Variants in BIN3 observed in about 807,000 individuals in gnomAD.
BIN3 encodes bridging integrator 3.
In BIN3, 41 loss-of-function variants were observed where a neutral mutation model predicts 38.2. The observed-to-expected ratio is 1.07, with a 90% CI of 0.84 to 1.39. The LOEUF (loss-of-function observed/expected upper bound fraction) is 1.39, where lower values mean the gene tolerates loss of function less well. BIN3 is among the 40% of genes most tolerant of loss of function. The pLI is 0.00. For synonymous variants in BIN3, 145 were observed against 122.6 expected (o/e 1.18, Z -1.21); for missense variants, 361 against 324.3 (o/e 1.11, Z -0.87).
chr8:22,665,472 T>A (rs1351811104), intron 1 of BIN3, among the ~76,000 whole-genome samples: 1 of 152,004 alleles, frequency 6.6e-6, no homozygotes, highest in Non-Finnish European at 1.5e-5. Flanking sequence ...CTGATGAAGG[T>A]CAGAAGAGCG....
At chr8:22,649,858 C>CAAA (rs199571834) in intron 1 of BIN3, among the ~76,000 whole-genome samples, 2 of 108,518 alleles carry the variant, frequency 1.8e-5, no homozygotes, top group Non-Finnish European at 1.7e-5. Flanking sequence ...CACACACACA[C>CAAA]CCCCAAAGGA....
intron 1 of BIN3, among the ~76,000 whole-genome samples, chr8:22,666,440 G>C (rs945096693): frequency 6.6e-6 from 1 of 152,016 alleles, no homozygotes; most frequent in African/African-American, 2.4e-5. Context: ...GAGAGCGAGA[G>C]AGAGAGAAGC....
At chr8:22,655,913 A>G (rs374471538) in intron 1 of BIN3, among the ~76,000 whole-genome samples, 1 of 152,244 alleles carries the variant, frequency 6.6e-6, no homozygotes, top group East Asian at 1.9e-4. Context: ...TCCATACCAC[A>G]GAGTAATCTA....
intron 2 of BIN3, among the ~76,000 whole-genome samples, chr8:22,637,242 C>T (rs994487475): frequency 7.2e-5 from 11 of 152,200 alleles, no homozygotes; most frequent in South Asian, 2.1e-4. Flanking sequence ...GCAAGGCACT[C>T]GCTGCATGCC....
At chr8:22,654,759 C>T (rs908915883) in intron 1 of BIN3, among the ~76,000 whole-genome samples, 1 of 151,750 alleles carries the variant, frequency 6.6e-6, no homozygotes, top group Non-Finnish European at 1.5e-5. Context: ...GTTGTTTTCC[C>T]TTTTTGGGTA....
intron 1 of BIN3, among the ~76,000 whole-genome samples, chr8:22,658,091 A>G (rs1803114832): frequency 6.6e-6 from 1 of 152,264 alleles, no homozygotes; most frequent in Non-Finnish European, 1.5e-5. Context: ...TCTGGAAGAA[A>G]TTAAGAGGGT....
chr8:22,652,943 T>A (rs13257235), intron 1 of BIN3, among the ~76,000 whole-genome samples: 1 of 152,346 alleles, frequency 6.6e-6, no homozygotes, highest in East Asian at 1.9e-4. Flanking sequence ...TCTGGTATGG[T>A]TGTTCGAAAT....
At chr8:22,639,402 T>A (rs1802467825) in intron 2 of BIN3, among the ~76,000 whole-genome samples, 1 of 152,158 alleles carries the variant, frequency 6.6e-6, no homozygotes, top group African/African-American at 2.4e-5. Flanking sequence ...TGGCTAATTT[T>A]TTAAATTTTA....
intron 6 of BIN3, chr8:22,625,397 G>A (rs928020704): frequency 1.4e-6 from 1 of 702,506 alleles, no homozygotes; most frequent in Non-Finnish European, 2.6e-6. Context: ...CCCAGGACCA[G>A]AAGAGTTGGT....
intron 6 of BIN3, chr8:22,625,555 G>C: frequency 1.6e-6 from 1 of 625,486 alleles, no homozygotes; most frequent in Non-Finnish European, 2.9e-6. Flanking sequence ...ACCACACAGA[G>C]CAGGACTCCC....
Position 22,651,202 on chromosome 8 carries a change from G to A in BIN3, c.9-6399C>T, listed in dbSNP as rs185232712. ...TTTTTTTTTAACTTTCCCTAAAATTGGTAATTGTCACTTTTCTTTCATTTG... is the reference window on the plus strand; with the variant it reads ...TTTTTTTTTAACTTTCCCTAAAATTAGTAATTGTCACTTTTCTTTCATTTG... On this transcript the variant is annotated intron_variant, in intron 1 of 8. Coordinates refer to ENST00000276416, the MANE Select transcript of BIN3 (RefSeq NM_018688.6). Among the ~76,000 whole-genome samples, 75 of 152,178 alleles carry A rather than the reference G, an allele frequency of 4.9e-4. 1 individual carries two copies. Among genetic ancestry groups the A allele is most frequent in the African/African-American group, 1.5e-3 (62 of 41,518 alleles).
chr8:22,628,158 A>T (rs368640364), intron 6 of BIN3, among the ~76,000 whole-genome samples: 1 of 152,262 alleles, frequency 6.6e-6, no homozygotes, highest in Non-Finnish European at 1.5e-5. Flanking sequence ...GTGCCCACGC[A>T]GCCGGGAGCT....
intron 1 of BIN3, among the ~76,000 whole-genome samples, chr8:22,648,642 C>G (rs1388537546): frequency 6.6e-6 from 1 of 152,182 alleles, no homozygotes; most frequent in Non-Finnish European, 1.5e-5. Context: ...CTGAGGTCAT[C>G]TTTCTCAGCT....
At chr8:22,623,343 C>T (rs1171918891) in intron 8 of BIN3, among the ~76,000 whole-genome samples, 2 of 152,334 alleles carry the variant, frequency 1.3e-5, no homozygotes, top group Admixed American at 1.3e-4. Flanking sequence ...TGGCCCGTGT[C>T]TGACCCCCAG....
intron 4 of BIN3, chr8:22,634,408 C>A: frequency 2.2e-6 from 1 of 446,834 alleles, no homozygotes; most frequent in Non-Finnish European, 4.5e-6. Context: ...GCAGTCAGCG[C>A]TCACCCGGGC....
intron 4 of BIN3, among the ~76,000 whole-genome samples, chr8:22,632,705 CTTTT>C (rs373810993): frequency 9.1e-5 from 12 of 132,166 alleles, no homozygotes; most frequent in East Asian, 4.5e-4. Context: ...TTCCACTTTC[CTTTT>C]TTTTTTTTTT....
At chr8:22,641,596 G>C (rs1373661164) in intron 2 of BIN3, among the ~76,000 whole-genome samples, 3 of 152,198 alleles carry the variant, frequency 2.0e-5, no homozygotes, top group African/African-American at 7.2e-5. Flanking sequence ...TGCGTGGAAA[G>C]TGGGCTCCCT....
Position 22,624,399 on chromosome 8 carries a change from T to TG in BIN3, c.339-37dup, listed in dbSNP as rs780706085. On this transcript the variant is annotated intron_variant, in intron 6 of 8. Transcript: ENST00000276416. ...AGCTGGCTGGAGATGGGCCCGTTCT[T>TG]GAAGGGGTGGCCTGGCTGGAGATGG... 11 of 1,599,874 alleles carry TG rather than the reference T, an allele frequency of 6.9e-6. No homozygotes were observed. The African/African-American group carries it at 1.3e-4, about 19-fold the overall frequency.
At chr8:22,633,793 C>A (rs1003136051) in intron 4 of BIN3, among the ~76,000 whole-genome samples, 12 of 152,196 alleles carry the variant, frequency 7.9e-5, no homozygotes, top group Middle Eastern at 3.2e-3. Context: ...CAGCGGCCCA[C>A]GGCACAGCAA....
Sources: gnomAD v4.1 joint callset for allele counts (sites outside exome capture counted in the v4.1 genomes callset) on GRCh38, gnomAD v4.1.1 for gene constraint, MANE v1.5 for transcripts, NCBI Gene and HGNC (gene_info 2026-07-23, HGNC 2026-07-21) for gene names.